EML4: variants seen among roughly 807,000 people sequenced by gnomAD.
EML4 encodes echinoderm microtubule-associated protein-like 4.
Under a neutral mutation model 129.0 loss-of-function variants are expected in EML4, and 72 were observed. That is an observed-to-expected ratio of 0.56 (90% CI 0.46 to 0.68). EML4 has a LOEUF of 0.68. Among genes scored for constraint, EML4 ranks in the 30% least tolerant of loss-of-function variants. EML4 has a pLI of 0.00. For missense variants in EML4, 1,363 were observed against 1,190.6 expected (o/e 1.14, Z -2.13); for synonymous variants, 532 against 405.0 (o/e 1.31, Z -3.77).
At chr2:42,190,033 G>C (rs1558486735) in intron 1 of EML4, among the ~76,000 whole-genome samples, 1 of 151,626 alleles carries the variant, frequency 6.6e-6, no homozygotes. Flanking sequence ...TTTACAACCA[G>C]AAGAGGTGCT....
At chr2:42,303,287 T>A in intron 15 of EML4, 28 bp from the exon 16 acceptor site, 7 of 1,614,084 alleles carry the variant, frequency 4.3e-6, no homozygotes, top group Non-Finnish European at 5.9e-6. Flanking sequence ...CTTTGGTTCT[T>A]ATAACAATGA....
intron 1 of EML4, among the ~76,000 whole-genome samples, chr2:42,187,935 C>A (rs550691649): frequency 6.6e-6 from 1 of 152,210 alleles, no homozygotes; most frequent in African/African-American, 2.4e-5. Context: ...AACCCAGGGT[C>A]ACAAAGATTC....
In EML4 at chr2:42,288,303, CA is replaced by C; in HGVS notation, c.1203del (p.Gly402GlufsTer4). ...MLTVWDWQKK[A>X]KGAEIKTTNE... Reference sequence around the variant, plus strand: ...ACTGTATGGGACTGGCAGAAGAAAGCAAAAGGAGCAGAAATAAAGGTAAATT... The same window carrying C: ...ACTGTATGGGACTGGCAGAAGAAAGCAAAGGAGCAGAAATAAAGGTAAATT... On this transcript the variant is annotated frameshift_variant, in exon 11 of 23. Coordinates refer to ENST00000318522, the MANE Select transcript of EML4 (RefSeq NM_019063.5). LOFTEE classifies it high-confidence loss of function. 1 of 1,552,864 alleles carries C rather than the reference CA, an allele frequency of 6.4e-7. No individual in the cohort carries two copies. The highest frequency in any genetic ancestry group is 8.8e-7 in the Non-Finnish European group (1 of 1,130,960).
chr2:42,325,602 T>TATATATATATATATATATATATATATATA (rs1558614750), intron 20 of EML4, 48 bp downstream of exon 20: 1 of 124,280 alleles, frequency 8.0e-6, no homozygotes, highest in Non-Finnish European at 1.7e-5. Flanking sequence ...ATGATTATAT[T>TATATATATATATATATATATATATATATA]TATATATATA....
At chr2:42,312,741 G>C (rs1311926230) in intron 17 of EML4, among the ~76,000 whole-genome samples, 1 of 151,328 alleles carries the variant, frequency 6.6e-6, no homozygotes, top group African/African-American at 2.4e-5. Flanking sequence ...TTTTACTAGA[G>C]ATGGGGTTTC....
At chr2:42,197,787 A>G (rs1173476040) in intron 1 of EML4, among the ~76,000 whole-genome samples, 1 of 152,210 alleles carries the variant, frequency 6.6e-6, no homozygotes, top group Non-Finnish European at 1.5e-5. Context: ...GTCATTAGCT[A>G]TTGACAAAGA....
intron 1 of EML4, among the ~76,000 whole-genome samples, chr2:42,229,676 GAAAT>G (rs1229752819): frequency 1.3e-5 from 2 of 152,016 alleles, no homozygotes; most frequent in African/African-American, 4.8e-5. Flanking sequence ...TCTTGGGTAA[GAAAT>G]AAAAGCATTT....
At chr2:42,201,382 G>A (rs995874597) in intron 1 of EML4, among the ~76,000 whole-genome samples, 3 of 152,196 alleles carry the variant, frequency 2.0e-5, no homozygotes, top group Non-Finnish European at 4.4e-5. Flanking sequence ...AGAGCGCACA[G>A]CTAGGCTTAA....
In EML4 at chr2:42,320,683, T is replaced by A. The variant is rs548622995; in HGVS notation, c.2154+3159T>A. ...ATTGTGTATTTTCCTTGAAAGATTT[T>A]AAGTGTCCTGATTGACCTAAAGTTT... On this transcript the variant is annotated intron_variant, in intron 19 of 22. Coordinates refer to ENST00000318522, the MANE Select transcript of EML4 (RefSeq NM_019063.5). Among the ~76,000 whole-genome samples, 3 of 152,326 alleles carry A rather than the reference T, an allele frequency of 2.0e-5. No homozygotes were observed. In the South Asian group the frequency reaches 6.2e-4, roughly 32 times the overall value.
intron 1 of EML4, among the ~76,000 whole-genome samples, chr2:42,205,634 TTTGTTG>T (rs1007411461): frequency 6.6e-6 from 1 of 152,108 alleles, no homozygotes; most frequent in Admixed American, 6.6e-5. Flanking sequence ...AGAAAGGGTT[TTTGTTG>T]TTGTTGTTGT....
intron 6 of EML4, among the ~76,000 whole-genome samples, chr2:42,274,880 A>G (rs529012888): frequency 6.3e-4 from 96 of 152,322 alleles, no homozygotes; most frequent in Non-Finnish European, 1.1e-3. Context: ...TGCAACATCA[A>G]GTATTTCAAT....
At chr2:42,273,273 A>G (rs1200319597) in intron 6 of EML4, among the ~76,000 whole-genome samples, 1 of 152,184 alleles carries the variant, frequency 6.6e-6, no homozygotes, top group African/African-American at 2.4e-5. Context: ...TTAGTCTTTT[A>G]GCAGTTTTAT....
rs754012239 is a variant in EML4 at position 42,317,413 on chromosome 2, C to T, written c.2057-14C>T. 3 of 1,513,040 alleles carry T rather than the reference C, an allele frequency of 2.0e-6. No homozygotes were observed. The highest frequency in any genetic ancestry group is 1.2e-5 in the South Asian group (1 of 86,916). 93.7% of individuals were successfully genotyped at this position (1,513,040 alleles called of 1,614,324 possible). A position where few individuals can be genotyped will look rare whatever the true frequency, so the allele number is the denominator to read the frequency against. On this transcript the variant is annotated splice_polypyrimidine_tract_variant and intron_variant, in intron 18 of 22. Coordinates refer to ENST00000318522, the MANE Select transcript of EML4 (RefSeq NM_019063.5). ...GTATATTTCTCTAGTCAACACTGAC[C>T]TATTTTATTCTAGATGGTACCTTCC...
chr2:42,225,369 C>T (rs754401922), intron 1 of EML4, among the ~76,000 whole-genome samples: 16 of 152,168 alleles, frequency 1.1e-4, no homozygotes, highest in Non-Finnish European at 2.4e-4. Context: ...TTCCTACCAG[C>T]AATGCACAAG....
chr2:42,284,758 A>T, intron 9 of EML4, 55 bp downstream of exon 9: 1 of 1,297,352 alleles, frequency 7.7e-7, no homozygotes. Flanking sequence ...GTTAGAGTGG[A>T]ATCTATTGTA....
intron 1 of EML4, among the ~76,000 whole-genome samples, chr2:42,235,343 C>G (rs963846206): frequency 6.1e-5 from 9 of 147,610 alleles, no homozygotes; most frequent in Non-Finnish European, 1.0e-4. Flanking sequence ...ACCTGTAATC[C>G]CAGCTACTCA....
At chr2:42,294,033 TAGTTA>T (rs1175983112) in intron 11 of EML4, among the ~76,000 whole-genome samples, 2 of 152,262 alleles carry the variant, frequency 1.3e-5, no homozygotes, top group Admixed American at 1.3e-4. Context: ...TACAGGCATG[TAGTTA>T]AGTTTCACCT....
intron 7 of EML4, among the ~76,000 whole-genome samples, 174 bp downstream of exon 7, chr2:42,281,147 A>C (rs974387592): frequency 5.3e-5 from 8 of 152,180 alleles, no homozygotes; most frequent in African/African-American, 1.7e-4. Flanking sequence ...TAATCCTAGC[A>C]CTTTGGGAGG....
At chr2:42,176,420 C>T (rs1670607989) in intron 1 of EML4, among the ~76,000 whole-genome samples, 1 of 152,176 alleles carries the variant, frequency 6.6e-6, no homozygotes, top group Non-Finnish European at 1.5e-5. Context: ...TCTCAGATTG[C>T]TTCATTGCTT....
Sources: allele counts gnomAD v4.1 joint callset (sites outside exome capture counted in the v4.1 genomes callset), GRCh38; gene constraint gnomAD v4.1.1; transcripts MANE v1.5; gene names NCBI Gene and HGNC (gene_info 2026-07-23, HGNC 2026-07-21).